Variants in CASP8 observed in about 807,000 individuals in gnomAD.
CASP8 encodes caspase 8.
CASP8 carries 24 observed loss-of-function variants against 46.3 expected under a neutral mutation model. The ratio of observed to expected loss-of-function variants is 0.52; its 90% CI spans 0.38 to 0.73. CASP8 has a LOEUF of 0.73. Ranked by LOEUF, CASP8 falls within the 30% of genes least tolerant of loss-of-function variation. The pLI is 0.00. For synonymous variants in CASP8, 188 were observed against 200.4 expected (o/e 0.94, Z 0.52); for missense variants, 460 against 559.0 (o/e 0.82, Z 1.79).
rs1431009462 is a variant in CASP8, at chr2:201,272,222, C to T, written c.412-416C>T. Among the ~76,000 whole-genome samples, 2 of 150,914 alleles carry T rather than the reference C, an allele frequency of 1.3e-5. No homozygotes were observed. The highest frequency in any genetic ancestry group is 4.9e-5 in the African/African-American group (2 of 40,994). ...TGTGTTGTATCTGTGTGTGTATGTG[C>T]ATGTGGTGTCTGTGTGTGTGTGTCT... On this transcript the variant is annotated intron_variant, in intron 3 of 8. Transcript: ENST00000673742. The surrounding 1 kb of genome is among the most constrained non-coding windows in gnomAD (Gnocchi z 4.4).
At chr2:201,256,704 T>C (rs1237240905), upstream of CASP8, among the ~76,000 whole-genome samples, 11 of 152,178 alleles carry the variant, frequency 7.2e-5, no homozygotes, top group Admixed American at 7.2e-4. Flanking sequence ...ATCCATAACA[T>C]GGGAGAACAA....
chr2:201,281,784 A>G (rs1434113035), intron 7 of CASP8: 9 of 1,221,076 alleles, frequency 7.4e-6, no homozygotes, highest in Non-Finnish European at 7.8e-6. Context: ...CTAGTTTACT[A>G]GAGAAAACAG....
At chr2:201,274,790 TA>T in intron 5 of CASP8, 98 bp from the exon 6 acceptor site, 3 of 990,066 alleles carry the variant, frequency 3.0e-6, no homozygotes, top group Non-Finnish European at 3.2e-6. Flanking sequence ...ATTTTCATCT[TA>T]AAAAAGACCT....
intron 2 of CASP8, among the ~76,000 whole-genome samples, chr2:201,249,618 G>A (rs1023878776): frequency 3.9e-5 from 6 of 152,154 alleles, no homozygotes; most frequent in Non-Finnish European, 5.9e-5. Flanking sequence ...GATTGGCTTC[G>A]GGAGGCTAAG....
intron 2 of CASP8, among the ~76,000 whole-genome samples, chr2:201,237,765 A>G (rs1576180806): frequency 6.6e-6 from 1 of 152,220 alleles, no homozygotes; most frequent in South Asian, 2.1e-4. Context: ...ATCTTGGCCC[A>G]GAAAGACAGG....
intron 2 of CASP8, among the ~76,000 whole-genome samples, chr2:201,271,033 C>T (rs1469952081): frequency 6.6e-6 from 1 of 152,042 alleles, no homozygotes; most frequent in East Asian, 1.9e-4. Flanking sequence ...CAGGTCCTTT[C>T]GTGTTTGCGG....
upstream of CASP8, among the ~76,000 whole-genome samples, chr2:201,256,530 C>A (rs536510452): frequency 5.3e-5 from 8 of 152,334 alleles, no homozygotes; most frequent in South Asian, 1.7e-3. Flanking sequence ...GCCCTTTATG[C>A]ACCAGTCACT....
intron 5 of CASP8, 97 bp downstream of exon 5, chr2:201,273,039 C>CAT: frequency 4.2e-6 from 4 of 949,102 alleles, no homozygotes; most frequent in South Asian, 1.4e-5. Flanking sequence ...CACATCTTAA[C>CAT]GTGCCTGCTC....
intron 2 of CASP8, among the ~76,000 whole-genome samples, chr2:201,236,991 C>T (rs1383224788): frequency 6.6e-6 from 1 of 151,978 alleles, no homozygotes; most frequent in Non-Finnish European, 1.5e-5. Flanking sequence ...ATTAAATCTT[C>T]GTAGTCTCTG....
rs1314940565 is a variant in CASP8 at position 201,272,353 on chromosome 2, C to A, written c.412-285C>A. On this transcript the variant is annotated intron_variant, in intron 3 of 8. Coordinates refer to ENST00000673742, the MANE Select transcript of CASP8 (RefSeq NM_001372051.1). The surrounding 1 kb of genome is among the most constrained non-coding windows in gnomAD (Gnocchi z 4.4). Reference sequence around the variant, plus strand: ...CTGCTGTCTCAGGTTGTTTCACAGTCCCCAAGTAATGCATTCGCAGGAGAT... The same window carrying A: ...CTGCTGTCTCAGGTTGTTTCACAGTACCCAAGTAATGCATTCGCAGGAGAT... Among the ~76,000 whole-genome samples, 1 of 152,066 alleles carries A rather than the reference C, an allele frequency of 6.6e-6. No individual in the cohort carries two copies. Among genetic ancestry groups the A allele is most frequent in the Admixed American group, 6.6e-5 (1 of 15,260 alleles).
At chr2:201,264,283 G>A (rs969061990) in intron 1 of CASP8, among the ~76,000 whole-genome samples, 3 of 152,172 alleles carry the variant, frequency 2.0e-5, no homozygotes, top group Non-Finnish European at 2.9e-5. Context: ...ACTTGTTTAA[G>A]TGAATGTAGG....
intron 2 of CASP8, among the ~76,000 whole-genome samples, chr2:201,270,841 C>A (rs1219423991): frequency 2.0e-5 from 3 of 152,142 alleles, no homozygotes; most frequent in Non-Finnish European, 2.9e-5. Flanking sequence ...GGCCAACAGA[C>A]AATTATGTGT....
intron 6 of CASP8, among the ~76,000 whole-genome samples, chr2:201,275,662 T>G (rs144041891): frequency 6.6e-6 from 1 of 152,348 alleles, no homozygotes; most frequent in Admixed American, 6.5e-5. Context: ...CTAAACAGTA[T>G]AGCATGCTAC....
chr2:201,273,055 TTTC>T (rs1948383486), intron 5 of CASP8, 113 bp downstream of exon 5: 1 of 831,360 alleles, frequency 1.2e-6, no homozygotes. Flanking sequence ...TGCTCTACTT[TTTC>T]TTTTTTTTTT....
chr2:201,286,425 A>C (rs761921548), intron 8 of CASP8, 34 bp from the exon 9 acceptor site: 6 of 1,607,678 alleles, frequency 3.7e-6, no homozygotes, highest in Non-Finnish European at 5.1e-6. Context: ...GCTTTCCCCC[A>C]CAGACAGTCA....
At chr2:201,283,230 C>A in intron 7 of CASP8, among the ~76,000 whole-genome samples, 1 of 88,704 alleles carries the variant, frequency 1.1e-5, no homozygotes, top group Non-Finnish European at 2.7e-5. Flanking sequence ...GCTGACCCCC[C>A]ACCTCCCTCC....
intron 5 of CASP8, among the ~76,000 whole-genome samples, chr2:201,273,372 T>TA (rs1948419017): frequency 6.6e-6 from 1 of 152,154 alleles, no homozygotes; most frequent in Non-Finnish European, 1.5e-5. Flanking sequence ...CCTGCTCTCC[T>TA]AAGACCTGTA....
intron 2 of CASP8, chr2:201,241,619 C>T (rs780173603): frequency 2.2e-4 from 34 of 152,154 alleles, no homozygotes; most frequent in Admixed American, 1.0e-3. Flanking sequence ...TTCTTCCAAA[C>T]ATCTCAAGAA....
chr2:201,239,219 T>G (rs950543535), intron 2 of CASP8, among the ~76,000 whole-genome samples: 1 of 151,982 alleles, frequency 6.6e-6, no homozygotes, highest in African/African-American at 2.4e-5. Context: ...TCCCCACCTT[T>G]CCCCCCTTTC....
Sources: allele counts gnomAD v4.1 joint callset (sites outside exome capture counted in the v4.1 genomes callset), GRCh38; gene constraint gnomAD v4.1.1; non-coding constraint Gnocchi (gnomAD v3.1); transcripts MANE v1.5; gene names NCBI Gene and HGNC (gene_info 2026-07-23, HGNC 2026-07-21).